Variants in VGLL4 observed in about 807,000 individuals in gnomAD.
The protein encoded by VGLL4 is transcription cofactor vestigial-like protein 4.
In VGLL4, 7 loss-of-function variants were observed where a neutral mutation model predicts 21.0. The ratio of observed to expected loss-of-function variants is 0.33; its 90% confidence interval spans 0.19 to 0.63. The LOEUF (loss-of-function observed/expected upper bound fraction) is 0.63. Among genes scored for constraint, VGLL4 ranks in the 20% least tolerant of loss-of-function variants. The pLI, the probability that VGLL4 is intolerant of heterozygous loss-of-function variation, is 0.78. For missense variants in VGLL4, 394 were observed against 425.7 expected (o/e 0.93, Z 0.66); for synonymous variants, 222 against 173.2 (o/e 1.28, Z -2.21).
chr3:11,681,716 A>C (rs1277923984), intron 2 of VGLL4, among the ~76,000 whole-genome samples: 1 of 152,278 alleles, frequency 6.6e-6, no homozygotes, highest in Non-Finnish European at 1.5e-5. Flanking sequence ...GAAGGGGCCT[A>C]CAGAGGCACA....
rs181215278 is a variant in VGLL4, at chr3:11,626,436, C to A, written c.82+17001G>T. Reference sequence around the variant, plus strand: ...TCCTCTTATTACTTCAAAGATAAGCCCTGGATGGGCAGGAACTAAGTTGTT... The same window carrying A: ...TCCTCTTATTACTTCAAAGATAAGCACTGGATGGGCAGGAACTAAGTTGTT... On this transcript the variant is annotated intron_variant, in intron 1 of 4. Transcript: ENST00000430365. 6.6e-5 allele frequency: 30 copies of A among 456,462 alleles called. No individual in the cohort carries two copies. In the Admixed American group the frequency reaches 7.1e-4, roughly 11 times the overall value. The allele number at this position is 456,462 out of a possible 1,614,324, so 28.3% of individuals were successfully genotyped here.
chr3:11,709,248 C>T (rs997314146), intron 1 of VGLL4, among the ~76,000 whole-genome samples: 8 of 151,110 alleles, frequency 5.3e-5, no homozygotes, highest in Middle Eastern at 3.5e-3. Context: ...CGAGCCTGGC[C>T]AACATAGAGA....
At chr3:11,674,597 C>T (rs552121879) in intron 2 of VGLL4, among the ~76,000 whole-genome samples, 2 of 152,230 alleles carry the variant, frequency 1.3e-5, no homozygotes, top group African/African-American at 2.4e-5. Context: ...AGGCCTGCCA[C>T]CCTTTTACAC....
intron 2 of VGLL4, among the ~76,000 whole-genome samples, chr3:11,593,788 T>A (rs2074563821): frequency 6.6e-6 from 1 of 152,022 alleles, no homozygotes; most frequent in South Asian, 2.1e-4. Flanking sequence ...AAGGGGCCCA[T>A]CTCACACCAG....
intron 1 of VGLL4, among the ~76,000 whole-genome samples, chr3:11,717,762 A>G (rs1292929178): frequency 1.3e-5 from 2 of 152,172 alleles, no homozygotes; most frequent in Non-Finnish European, 2.9e-5. Context: ...GTGTTTATGT[A>G]GCTCTTTCAA....
At chr3:11,680,737 CT>C (rs2076356176) in intron 2 of VGLL4, among the ~76,000 whole-genome samples, 1 of 152,202 alleles carries the variant, frequency 6.6e-6, no homozygotes, top group Non-Finnish European at 1.5e-5. Flanking sequence ...AGGACGCCTG[CT>C]AGGAAGTCAG....
chr3:11,566,877 G>A (rs1177528800), intron 2 of VGLL4, among the ~76,000 whole-genome samples: 1 of 152,174 alleles, frequency 6.6e-6, no homozygotes, highest in Non-Finnish European at 1.5e-5. Flanking sequence ...GGGGTGCACA[G>A]AGACTTAACG....
intron 2 of VGLL4, among the ~76,000 whole-genome samples, chr3:11,597,973 C>CT (rs1235705244): frequency 6.6e-6 from 1 of 152,158 alleles, no homozygotes; most frequent in Non-Finnish European, 1.5e-5. Flanking sequence ...GGAAACCTCT[C>CT]TTTTTTTCCC....
chr3:11,581,317 T>A (rs929472704), intron 2 of VGLL4, among the ~76,000 whole-genome samples: 1 of 152,150 alleles, frequency 6.6e-6, no homozygotes, highest in Non-Finnish European at 1.5e-5. Flanking sequence ...TCTGCCTGCC[T>A]CGGCCTCCTG....
chr3:11,714,815 T>C (rs571221671), intron 1 of VGLL4, among the ~76,000 whole-genome samples: 2 of 152,290 alleles, frequency 1.3e-5, no homozygotes, highest in South Asian at 4.1e-4. Flanking sequence ...ACACATATTC[T>C]TAGGGACCTA....
intron 2 of VGLL4, among the ~76,000 whole-genome samples, chr3:11,663,310 T>G (rs2076061793): frequency 6.6e-6 from 1 of 152,096 alleles, no homozygotes; most frequent in Non-Finnish European, 1.5e-5. Flanking sequence ...AAGTTTGAAG[T>G]CCAGGATACA....
At chr3:11,575,517 G>C (rs1269983079) in intron 2 of VGLL4, among the ~76,000 whole-genome samples, 1 of 152,112 alleles carries the variant, frequency 6.6e-6, no homozygotes, top group African/African-American at 2.4e-5. Context: ...TCCTTTCCTT[G>C]GGCACAATCG....
At chr3:11,638,941 A>G (rs576544695) in intron 1 of VGLL4, among the ~76,000 whole-genome samples, 40 of 152,350 alleles carry the variant, frequency 2.6e-4, no homozygotes, top group African/African-American at 9.1e-4. Context: ...GTGATGAAAC[A>G]AGGGATAACT....
Position 11,593,795 on chromosome 3 carries a change from C to A in VGLL4, c.272+8038G>T, listed in dbSNP as rs2074564112. ...AAGACAACAAGGGGCCCATCTCACA[C>A]CAGGACCGTGTTTCAAAGGCCCCCC... On this transcript the variant is annotated intron_variant, in intron 2 of 4. Transcript: ENST00000430365. 2.0e-5 allele frequency among the ~76,000 whole-genome samples: 3 copies of A among 152,208 alleles called. No homozygotes were observed. In the South Asian group the frequency reaches 6.2e-4, roughly 32 times the overall value.
intron 2 of VGLL4, among the ~76,000 whole-genome samples, chr3:11,575,936 C>A (rs1205508055): frequency 6.6e-6 from 1 of 152,224 alleles, no homozygotes; most frequent in Non-Finnish European, 1.5e-5. Flanking sequence ...GCCAGCAGCG[C>A]GGAGCCCGTC....
chr3:11,667,539 T>C (rs995169714), intron 2 of VGLL4, among the ~76,000 whole-genome samples: 1 of 152,204 alleles, frequency 6.6e-6, no homozygotes, highest in Non-Finnish European at 1.5e-5. Context: ...ATATCACCAT[T>C]TAGGACCTAT....
At position 11,574,785 on chromosome 3, in the gene VGLL4, A is replaced by ATATGTGTGTGTG. The variant is rs1305114995; in HGVS notation, c.273-9767_273-9766insCACACACACATA. Among the ~76,000 whole-genome samples the ATATGTGTGTGTG allele has an allele frequency of 2.1e-4, 25 of 121,776 alleles. No individual in the cohort carries two copies. In the East Asian group the frequency reaches 3.2e-3, roughly 16 times the overall value. The allele number at this position is 121,776 out of a possible 152,430, so 79.9% of individuals were successfully genotyped here. On this transcript the variant is annotated intron_variant, in intron 2 of 4. Transcript: ENST00000430365. ...ACAATTACTGTCAATTCAACTATATATGTGTGTGTGTGTGTGTGTGTGTGT... is the reference window on the plus strand; with the variant it reads ...ACAATTACTGTCAATTCAACTATATATATGTGTGTGTGTGTGTGTGTGTGTGTGTGTGTGTGT...
rs151045205 is a variant in VGLL4 at position 11,696,794 on chromosome 3, G to A, written c.64+6177C>T. 6.8e-4 allele frequency among the ~76,000 whole-genome samples: 103 copies of A among 152,136 alleles called. 1 individual carries two copies. The East Asian group carries it at 0.015, about 22-fold the overall frequency. Reference sequence around the variant, plus strand: ...TCAGTCGTCGCCCAGGCTGGAGTGCGGTGGCACCATCACAGTTCACTGCAG... The same window carrying A: ...TCAGTCGTCGCCCAGGCTGGAGTGCAGTGGCACCATCACAGTTCACTGCAG... On this transcript the variant is annotated intron_variant, in intron 2 of 5. Transcript: ENST00000273038.
At chr3:11,671,648 T>C (rs1036225157) in intron 2 of VGLL4, among the ~76,000 whole-genome samples, 13 of 152,064 alleles carry the variant, frequency 8.5e-5, no homozygotes, top group Non-Finnish European at 1.6e-4. Flanking sequence ...TGCTCAAGGG[T>C]CAACTGTATA....
Sources: gnomAD v4.1 joint callset for allele counts (sites outside exome capture counted in the v4.1 genomes callset) on GRCh38, gnomAD v4.1.1 for gene constraint, MANE v1.5 for transcripts, NCBI Gene and HGNC (gene_info 2026-07-23, HGNC 2026-07-21) for gene names.